RABGAP1: variants seen among roughly 807,000 people sequenced by gnomAD.
RABGAP1 encodes the protein RAB GTPase activating protein 1.
RABGAP1 carries 23 observed loss-of-function variants against 137.6 expected under a neutral mutation model. The ratio of observed to expected loss-of-function variants is 0.17; its 90% confidence interval spans 0.12 to 0.24. The LOEUF (loss-of-function observed/expected upper bound fraction) is 0.24, where lower values mean the gene tolerates loss of function less well. Ranked by LOEUF, RABGAP1 falls within the 10% of genes least tolerant of loss-of-function variation. The pLI is 1.00. For missense variants in RABGAP1, 906 were observed against 1,275.8 expected, an observed-to-expected ratio of 0.71 and a Z score of 4.42; for synonymous variants, 451 against 450.7, an observed-to-expected ratio of 1.00 and a Z score of -0.01.
intron 13 of RABGAP1, chr9:123,029,681 T>C: frequency 1.5e-6 from 1 of 682,208 alleles, no homozygotes; most frequent in Middle Eastern, 2.9e-4. Context: ...CCCCCGGGTT[T>C]GTTCACTGGG....
At chr9:123,014,504 T>A (rs937183536) in intron 11 of RABGAP1, among the ~76,000 whole-genome samples, 1 of 152,134 alleles carries the variant, frequency 6.6e-6, no homozygotes, top group Non-Finnish European at 1.5e-5. Flanking sequence ...TGTTTTCTAT[T>A]TTATAACATA....
Position 123,098,809 on chromosome 9 carries a change from G to A in RABGAP1, c.2817+11G>A. 1 of 1,606,846 alleles carries A rather than the reference G, an allele frequency of 6.2e-7. No individual in the cohort carries two copies. The highest frequency in any genetic ancestry group is 1.1e-5 in the South Asian group (1 of 90,690). On this transcript the variant is annotated intron_variant, in intron 23 of 25. Coordinates refer to ENST00000373647, the MANE Select transcript of RABGAP1 (RefSeq NM_012197.4). ...GGTGACTATAAGCAGGTAGGTTCCA[G>A]TACCCTGGGATTGGGCTGTGTAATC... is the stretch of plus-strand genomic sequence containing the variant.
chr9:122,946,247 G>T (rs1294751138), intron 1 of RABGAP1, among the ~76,000 whole-genome samples: 1 of 152,074 alleles, frequency 6.6e-6, no homozygotes, highest in Non-Finnish European at 1.5e-5. Flanking sequence ...TTATATTTCT[G>T]CATTTATCTT....
chr9:123,020,292 T>G lies in RABGAP1; in HGVS notation c.1644-17T>G. The G allele has an allele frequency of 6.6e-7, 1 of 1,512,832 alleles. No homozygotes were observed. The highest frequency in any genetic ancestry group is 2.0e-5 in the Admixed American group (1 of 50,816). The allele number at this position is 1,512,832 out of a possible 1,614,324, so 93.7% of individuals were successfully genotyped here. On this transcript the variant is annotated splice_polypyrimidine_tract_variant and intron_variant, in intron 12 of 25. Transcript: ENST00000373647. ...TATCTTCCTTTTATGATTTATGGTT[T>G]ATGGCCTTATTTTTAGGCATCTCAA...
chr9:123,037,271 C>G (rs1252364627), intron 13 of RABGAP1, among the ~76,000 whole-genome samples: 7 of 152,192 alleles, frequency 4.6e-5, no homozygotes, highest in Admixed American at 4.6e-4. Flanking sequence ...TAGACATCAA[C>G]TTGATTTTAA....
chr9:123,011,839 T>A (rs556684320), intron 11 of RABGAP1, among the ~76,000 whole-genome samples: 1 of 152,162 alleles, frequency 6.6e-6, no homozygotes, highest in African/African-American at 2.4e-5. Flanking sequence ...CCTGTAATCC[T>A]AGCTACTTGG....
intron 10 of RABGAP1, among the ~76,000 whole-genome samples, chr9:123,006,679 C>T (rs1444624638): frequency 1.3e-5 from 2 of 152,228 alleles, no homozygotes; most frequent in African/African-American, 2.4e-5. Flanking sequence ...GCGATCTTGG[C>T]TCACTGCAGC....
intron 10 of RABGAP1, among the ~76,000 whole-genome samples, chr9:123,006,366 C>T (rs1369608898): frequency 6.6e-6 from 1 of 152,150 alleles, no homozygotes; most frequent in Non-Finnish European, 1.5e-5. Context: ...GTATTTTATT[C>T]CTGTGTACTC....
chr9:123,014,895 C>T (rs1261334256), intron 11 of RABGAP1, among the ~76,000 whole-genome samples: 1 of 152,014 alleles, frequency 6.6e-6, no homozygotes, highest in African/African-American at 2.4e-5. Flanking sequence ...GGGGAAATGC[C>T]AGATGCTTAT....
intron 10 of RABGAP1, among the ~76,000 whole-genome samples, chr9:123,004,230 A>G (rs2029995696): frequency 6.6e-6 from 1 of 152,148 alleles, no homozygotes. Context: ...TTTTCTTGAC[A>G]CTTAGCAAGT....
At chr9:122,977,376 A>G (rs554163201) in intron 2 of RABGAP1, among the ~76,000 whole-genome samples, 1 of 152,324 alleles carries the variant, frequency 6.6e-6, no homozygotes, top group East Asian at 1.9e-4. Flanking sequence ...TAATTTGGCC[A>G]TGGAGTGAAT....
Position 122,946,939 on chromosome 9 carries a change from G to C in RABGAP1, c.-50+5846G>C, listed in dbSNP as rs570971881. On this transcript the variant is annotated intron_variant, in intron 1 of 25. Transcript: ENST00000373647. ...TAGTGGGGAGAGTATGAACTTTGGGGTGAGAAAGACATGGATATCCCAAGT... is the reference window on the plus strand; with the variant it reads ...TAGTGGGGAGAGTATGAACTTTGGGCTGAGAAAGACATGGATATCCCAAGT... Among the ~76,000 whole-genome samples the C allele has an allele frequency of 5.9e-5, 9 of 152,194 alleles. No homozygotes were observed. The East Asian group carries it at 1.7e-3, about 29-fold the overall frequency.
intron 2 of RABGAP1, chr9:122,971,782 A>G (rs1221514466): frequency 6.6e-6 from 1 of 152,226 alleles, no homozygotes; most frequent in Non-Finnish European, 1.5e-5. Flanking sequence ...TAGCATTGAA[A>G]GATATGAAAG....
intron 11 of RABGAP1, among the ~76,000 whole-genome samples, chr9:123,014,821 A>C (rs1442784633): frequency 2.0e-5 from 3 of 152,160 alleles, no homozygotes; most frequent in Non-Finnish European, 4.4e-5. Flanking sequence ...GAATCATGGC[A>C]GAAGGGGAAG....
chr9:123,081,890 AGACCACCCTAGTAGAACT>A (rs1290098852), intron 19 of RABGAP1, among the ~76,000 whole-genome samples: 3 of 152,248 alleles, frequency 2.0e-5, no homozygotes, highest in Admixed American at 1.3e-4. Context: ...GTATAGTGAC[AGACCACCCTAGTAGAACT>A]GAGGCCTCTG....
chr9:122,985,391 G>A, intron 3 of RABGAP1, among the ~76,000 whole-genome samples: 1 of 152,148 alleles, frequency 6.6e-6, no homozygotes, highest in Non-Finnish European at 1.5e-5. Flanking sequence ...GAGGCAGGTG[G>A]ATCACAAGGT....
intron 1 of RABGAP1, among the ~76,000 whole-genome samples, chr9:122,944,313 T>C (rs938559408): frequency 2.6e-5 from 4 of 151,824 alleles, no homozygotes; most frequent in African/African-American, 9.7e-5. Flanking sequence ...CACCTCAACC[T>C]TGAACTTCTG....
intron 2 of RABGAP1, among the ~76,000 whole-genome samples, chr9:122,958,630 A>G (rs559094307): frequency 6.6e-6 from 1 of 152,290 alleles, no homozygotes; most frequent in Non-Finnish European, 1.5e-5. Flanking sequence ...AGTGTGGCAC[A>G]TGTATACATA....
In RABGAP1 at chr9:123,074,414, C is replaced by G; in HGVS notation, c.2239C>G (p.Leu747Val). 1 of 1,613,076 alleles carries G rather than the reference C, an allele frequency of 6.2e-7. No homozygotes were observed. Among genetic ancestry groups the G allele is most frequent in the African/African-American group, 1.3e-5 (1 of 75,006 alleles). ...PLYMVFHIID[L>V]LLCEGISVIF... ...CTACATGGTCTTCCATATCATCGAC[C>G]TGCTTTTATGTGAGGTATGTATCAG... The change falls in exon 17 of 26, where the codon CTG becomes GTG. Residue 747 changes from leucine (L) to valine (V), a missense_variant. Physicochemically the swap from Leu to Val is conservative, Grantham distance 32. This residue lies in a region of RABGAP1 where 19 missense variants were observed against 63.0 expected (regional missense o/e 0.30). Coordinates refer to ENST00000373647, the MANE Select transcript of RABGAP1 (RefSeq NM_012197.4).
Sources: allele counts gnomAD v4.1 joint callset (sites outside exome capture counted in the v4.1 genomes callset), GRCh38; gene constraint gnomAD v4.1.1; regional missense constraint gnomAD v4.1.1; transcripts MANE v1.5; gene names NCBI Gene and HGNC (gene_info 2026-07-23, HGNC 2026-07-21).